The following BRD8 variants were observed in gnomAD, a reference collection of about 807,000 sequenced individuals.
BRD8 encodes the protein bromodomain containing 8.
BRD8 carries 67 observed loss-of-function variants against 143.1 expected under a neutral mutation model. The ratio of observed to expected loss-of-function variants is 0.47; its 90% CI spans 0.38 to 0.57. The LOEUF is 0.57. Among genes scored for constraint, BRD8 ranks in the 20% least tolerant of loss-of-function variants. BRD8 has a pLI of 0.00. For missense variants in BRD8, 1,103 were observed against 1,503.0 expected (o/e 0.73, Z 4.40); for synonymous variants, 505 against 517.1 (o/e 0.98, Z 0.32).
chr5:138,156,645 A>G (rs946387146), intron 20 of BRD8, among the ~76,000 whole-genome samples: 3 of 152,160 alleles, frequency 2.0e-5, no homozygotes, highest in Non-Finnish European at 4.4e-5. Flanking sequence ...CCAAACATTC[A>G]AGAAAATCTG....
intron 25 of BRD8, among the ~76,000 whole-genome samples, chr5:138,141,840 A>G (rs1485621651): frequency 6.6e-6 from 1 of 152,242 alleles, no homozygotes; most frequent in Non-Finnish European, 1.5e-5. Flanking sequence ...AACTGCAGGT[A>G]AGAATCTGGG....
At position 138,164,748 on chromosome 5, in the gene BRD8, C is replaced by G; in HGVS notation, c.1697G>C (p.Gly566Ala). ...IVEADVAIGK[G>A]DETPLTNVKT... The stretch of plus-strand genomic sequence containing the variant: ...CACATTTGTAAGTGGAGTCTCATCG[C>G]CTTTCCCAATGGCAACATCTGCTTC... Residue 566 changes from glycine to alanine, a missense_variant, in exon 12 of 27, where the codon GGC becomes GCC. By Grantham distance (60) the Gly-to-Ala change is moderately conservative. Coordinates refer to ENST00000254900, the MANE Select transcript of BRD8 (RefSeq NM_139199.2). 2.5e-6 allele frequency: 4 copies of G among 1,614,192 alleles called. No individual in the cohort carries two copies. In the South Asian group the frequency reaches 4.4e-5, roughly 18 times the overall value.
chr5:138,157,303 T>C lies in BRD8; in HGVS notation c.2577+2252A>G, dbSNP rs754138737. On this transcript the variant is annotated intron_variant, in intron 20 of 26. Transcript: ENST00000254900. Reference sequence around the variant, plus strand: ...GGCAGAGAAAGAAAGGGAGCATGAGTTGGTCAGGAGACAAGAGACGGTGCA... The same window carrying C: ...GGCAGAGAAAGAAAGGGAGCATGAGCTGGTCAGGAGACAAGAGACGGTGCA... 2.5e-6 allele frequency: 4 copies of C among 1,612,268 alleles called. No homozygotes were observed. The Admixed American group carries it at 6.7e-5, about 27-fold the overall frequency.
At chr5:138,163,651 C>A (rs905716152) in intron 14 of BRD8, 13 of 1,386,008 alleles carry the variant, frequency 9.4e-6, no homozygotes, top group African/African-American at 2.9e-5. Flanking sequence ...ACCCTGGGTA[C>A]AAAGTTATCA....
At chr5:138,152,903 TTGC>T in intron 20 of BRD8, 143 bp from the exon 21 acceptor site, 1 of 893,694 alleles carries the variant, frequency 1.1e-6, no homozygotes, top group Non-Finnish European at 1.7e-6. Flanking sequence ...AATTAAAATC[TTGC>T]TGAAGGGAGA....
chr5:138,157,435 A>G (rs1477411439), intron 20 of BRD8, among the ~76,000 whole-genome samples: 1 of 152,142 alleles, frequency 6.6e-6, no homozygotes, highest in Non-Finnish European at 1.5e-5. Flanking sequence ...GTGGCTAAAG[A>G]ACACCTGGTA....
At chr5:138,163,732 G>A in intron 14 of BRD8, 1 of 895,436 alleles carries the variant, frequency 1.1e-6, no homozygotes, top group East Asian at 4.5e-5. Context: ...CTCTGTTACT[G>A]CTGCTTTAAT....
rs1018382327 is a variant in BRD8, at chr5:138,152,332, T to C, written c.2856+150A>G. ...GTGCATATTCTGTATCAGCACCAAG[T>C]GCTGAGGACATAGCAATGAACTTAA... On this transcript the variant is annotated intron_variant, in intron 21 of 26. Coordinates refer to ENST00000254900, the MANE Select transcript of BRD8 (RefSeq NM_139199.2). 5.3e-5 allele frequency: 58 copies of C among 1,099,716 alleles called. 1 individual carries two copies. Among genetic ancestry groups the C allele is most frequent in the Non-Finnish European group, 4.9e-5 (38 of 775,212 alleles). 68.1% of individuals were successfully genotyped at this position (1,099,716 alleles called of 1,614,324 possible).
intron 25 of BRD8, among the ~76,000 whole-genome samples, chr5:138,141,578 T>A (rs78211259): frequency 0.022 from 3,403 of 152,088 alleles, 125 homozygotes; most frequent in African/African-American, 0.076. Flanking sequence ...AGAGGAGGAG[T>A]GCTGGCCCCA....
At chr5:138,157,313 G>C (rs1353072044) in intron 20 of BRD8, 2 of 1,611,498 alleles carry the variant, frequency 1.2e-6, no homozygotes, top group Non-Finnish European at 1.7e-6. Flanking sequence ...TTGGTCAGGA[G>C]ACAAGAGACG....
At chr5:138,178,141 C>CA (rs1376241692) in intron 1 of BRD8, among the ~76,000 whole-genome samples, 1 of 151,808 alleles carries the variant, frequency 6.6e-6, no homozygotes, top group Non-Finnish European at 1.5e-5. Flanking sequence ...CTTTTCAGTC[C>CA]AAAAAAAGAA....
chr5:138,141,349 C>T (rs547692706), intron 25 of BRD8, among the ~76,000 whole-genome samples: 72 of 152,318 alleles, frequency 4.7e-4, no homozygotes, highest in African/African-American at 1.7e-3. Flanking sequence ...AGGCTAGTCT[C>T]GAACTCCTAG....
chr5:138,168,976 A>G (rs1422158183), intron 8 of BRD8, among the ~76,000 whole-genome samples: 1 of 152,244 alleles, frequency 6.6e-6, no homozygotes, highest in African/African-American at 2.4e-5. Context: ...TTCAGCAGGA[A>G]TTTCATAAGA....
intron 8 of BRD8, chr5:138,168,723 C>CA: frequency 9.1e-7 from 1 of 1,096,630 alleles, no homozygotes; most frequent in Non-Finnish European, 1.4e-6. Context: ...TCTGACTTCT[C>CA]AAACTATGGA....
Position 138,140,101 on chromosome 5 carries a change from T to C in BRD8, c.3681A>G (p.Pro1227=). Residue 1227 remains proline, a synonymous_variant, in exon 27 of 27, where the codon CCA becomes CCG. Coordinates refer to ENST00000254900, the MANE Select transcript of BRD8 (RefSeq NM_139199.2). Reference sequence around the variant, plus strand: ...AGAAAACAGGTTTTCCATCATCCACTGGGTTAGCTGGTTCTCCTTCCAGAC... The same window carrying C: ...AGAAAACAGGTTTTCCATCATCCACCGGGTTAGCTGGTTCTCCTTCCAGAC... The part of the protein sequence containing the change: ...SSSLEGEPAN[P]VDDGKPVF 1.2e-6 allele frequency: 2 copies of C among 1,613,934 alleles called. No individual in the cohort carries two copies. The highest frequency in any genetic ancestry group is 1.7e-6 in the Non-Finnish European group (2 of 1,179,788).
intron 24 of BRD8, 114 bp downstream of exon 24, chr5:138,145,675 C>A: frequency 2.2e-6 from 2 of 906,286 alleles, no homozygotes; most frequent in Non-Finnish European, 3.5e-6. Context: ...ACAGAATCTA[C>A]CTTTCAACTA....
intron 25 of BRD8, among the ~76,000 whole-genome samples, chr5:138,142,760 A>T (rs1239142967): frequency 1.9e-5 from 1 of 52,964 alleles, no homozygotes; most frequent in Non-Finnish European, 4.4e-5. Flanking sequence ...AGACTGTCTC[A>T]AAAAAAAAAA....
chr5:138,174,758 G>A (rs1307923234), intron 2 of BRD8, among the ~76,000 whole-genome samples: 1 of 152,098 alleles, frequency 6.6e-6, no homozygotes, highest in Non-Finnish European at 1.5e-5. Flanking sequence ...AAGATAACCA[G>A]AAGATAAACT....
chr5:138,166,156 A>G (rs1463588059), intron 10 of BRD8, 48 bp from the exon 11 acceptor site: 1 of 1,380,874 alleles, frequency 7.2e-7, no homozygotes, highest in South Asian at 1.2e-5. Context: ...TTGGGTACAA[A>G]GCGACCACCT....
Sources: gnomAD v4.1 joint callset for allele counts (sites outside exome capture counted in the v4.1 genomes callset) on GRCh38, gnomAD v4.1.1 for gene constraint, MANE v1.5 for transcripts, NCBI Gene and HGNC (gene_info 2026-07-23, HGNC 2026-07-21) for gene names.